The following PSMD14 variants were observed in gnomAD, a reference collection of about 807,000 sequenced individuals.
The protein encoded by PSMD14 is ubiquitin C-terminal hydrolase PSMD14.
In PSMD14, 7 loss-of-function variants were observed where a neutral mutation model predicts 41.2. That is an observed-to-expected ratio of 0.17 (90% CI 0.10 to 0.32). The LOEUF is 0.32. Among genes scored for constraint, PSMD14 ranks in the 10% least tolerant of loss-of-function variants. The pLI is 1.00. For synonymous variants in PSMD14, 114 were observed against 122.3 expected (o/e 0.93, Z 0.45); for missense variants, 139 against 375.6 (o/e 0.37, Z 5.21).
chr2:161,310,406 A>G (rs1007925281), intron 1 of PSMD14, among the ~76,000 whole-genome samples: 2 of 152,166 alleles, frequency 1.3e-5, no homozygotes, highest in Non-Finnish European at 2.9e-5. Context: ...TTAATAATTC[A>G]GTGTCCACCT....
At chr2:161,375,490 A>G (rs1173237385) in intron 7 of PSMD14, among the ~76,000 whole-genome samples, 1 of 152,046 alleles carries the variant, frequency 6.6e-6, no homozygotes, top group Admixed American at 6.6e-5. Flanking sequence ...AGGTTGCACA[A>G]AGTAGATAAA....
intron 3 of PSMD14, among the ~76,000 whole-genome samples, chr2:161,348,902 G>A (rs191388175): frequency 2.0e-5 from 3 of 152,204 alleles, no homozygotes; most frequent in African/African-American, 7.2e-5. Context: ...AAGAAATAAA[G>A]TAAATAACAG....
chr2:161,319,792 C>T (rs1574113700), intron 3 of PSMD14, among the ~76,000 whole-genome samples: 1 of 152,070 alleles, frequency 6.6e-6, no homozygotes, highest in Non-Finnish European at 1.5e-5. Context: ...ATGAAATTTT[C>T]AGTGTTTTAG....
At chr2:161,357,019 G>C (rs1158985424) in intron 3 of PSMD14, among the ~76,000 whole-genome samples, 1 of 146,386 alleles carries the variant, frequency 6.8e-6, no homozygotes, top group Non-Finnish European at 1.5e-5. Flanking sequence ...TTGTTAAAAG[G>C]CCTGAGTAGG....
At chr2:161,327,913 T>G (rs1157293118) in intron 3 of PSMD14, among the ~76,000 whole-genome samples, 1 of 146,700 alleles carries the variant, frequency 6.8e-6, no homozygotes, top group Middle Eastern at 3.3e-3. Flanking sequence ...TAAGTGTTAA[T>G]GAAAATTGGG....
chr2:161,350,969 T>TA (rs1553505493), intron 3 of PSMD14, among the ~76,000 whole-genome samples: 1 of 152,228 alleles, frequency 6.6e-6, no homozygotes, highest in African/African-American at 2.4e-5. Context: ...TCAGCCTTCC[T>TA]ATAATCCTGT....
chr2:161,371,967 C>CTTTTT (rs529718395), intron 7 of PSMD14, among the ~76,000 whole-genome samples: 1 of 145,328 alleles, frequency 6.9e-6, no homozygotes, highest in Non-Finnish European at 1.5e-5. Flanking sequence ...TTCATTCTTT[C>CTTTTT]TTTTTTTTTT....
At chr2:161,388,013 T>C (rs1683656185) in intron 8 of PSMD14, among the ~76,000 whole-genome samples, 1 of 152,076 alleles carries the variant, frequency 6.6e-6, no homozygotes, top group Non-Finnish European at 1.5e-5. Context: ...GCTATTACTT[T>C]CAAATGTTTA....
rs1683424654 is a variant in PSMD14, at chr2:161,371,030, C to T, written c.312-142C>T. The T allele has an allele frequency of 3.5e-6, 3 of 869,350 alleles. No homozygotes were observed. In the South Asian group the frequency reaches 6.1e-5, roughly 18 times the overall value. The allele number at this position is 869,350 out of a possible 1,614,324, so 53.9% of individuals were successfully genotyped here. A position where few individuals can be genotyped will look rare whatever the true frequency, so the allele number is the denominator to read the frequency against. ...TTCTGGATAATATGGTGTACAATTT[C>T]AGGGTTTCTAATGGTGCTTTTTCAC... On this transcript the variant is annotated intron_variant, in intron 6 of 11. Coordinates refer to ENST00000409682, the MANE Select transcript of PSMD14 (RefSeq NM_005805.6).
intron 7 of PSMD14, chr2:161,385,183 G>A: frequency 5.0e-6 from 1 of 201,700 alleles, no homozygotes; most frequent in Non-Finnish European, 9.9e-6. Flanking sequence ...TTTGGTGTAA[G>A]TTTAGTAATG....
chr2:161,392,923 C>G (rs1469256373), intron 9 of PSMD14, among the ~76,000 whole-genome samples: 1 of 152,122 alleles, frequency 6.6e-6, no homozygotes, highest in Non-Finnish European at 1.5e-5. Flanking sequence ...CTAATTACAT[C>G]AATTTTTCTT....
chr2:161,374,022 C>T (rs1322480880), intron 7 of PSMD14, among the ~76,000 whole-genome samples: 1 of 151,694 alleles, frequency 6.6e-6, no homozygotes, highest in Non-Finnish European at 1.5e-5. Flanking sequence ...GATTGCTTTG[C>T]CAAAGTCAGA....
chr2:161,360,299 A>G (rs1339550471), intron 3 of PSMD14, among the ~76,000 whole-genome samples: 2 of 143,244 alleles, frequency 1.4e-5, no homozygotes, highest in Non-Finnish European at 1.5e-5. Context: ...TGATCCTCCC[A>G]CCTCAGCCAC....
chr2:161,339,403 C>A (rs1682915800), intron 3 of PSMD14, among the ~76,000 whole-genome samples: 1 of 149,568 alleles, frequency 6.7e-6, no homozygotes, highest in Non-Finnish European at 1.5e-5. Flanking sequence ...TGGTGAGCAT[C>A]TTTTTATGTG....
chr2:161,353,462 G>T (rs889623846), intron 3 of PSMD14, among the ~76,000 whole-genome samples: 1 of 152,120 alleles, frequency 6.6e-6, no homozygotes, highest in Non-Finnish European at 1.5e-5. Context: ...GCTTTAGTTA[G>T]CTCATTTTAT....
chr2:161,390,956 A>G (rs766516163), intron 8 of PSMD14, 148 bp from the exon 9 acceptor site: 138 of 769,760 alleles, frequency 1.8e-4, no homozygotes, highest in Non-Finnish European at 2.4e-4. Context: ...TAAGAAGAAT[A>G]CTTTAATTTC....
intron 1 of PSMD14, among the ~76,000 whole-genome samples, chr2:161,314,474 TCA>T (rs1169516287): frequency 1.3e-5 from 2 of 152,348 alleles, no homozygotes; most frequent in Non-Finnish European, 2.9e-5. Flanking sequence ...CATTACCACC[TCA>T]GTTTAGTTCC....
intron 3 of PSMD14, among the ~76,000 whole-genome samples, chr2:161,328,928 T>C (rs1488214350): frequency 6.6e-6 from 1 of 152,150 alleles, no homozygotes; most frequent in Non-Finnish European, 1.5e-5. Context: ...CATTTTTCTT[T>C]AGTACTTTTT....
intron 3 of PSMD14, among the ~76,000 whole-genome samples, chr2:161,328,619 A>G (rs1431308733): frequency 1.3e-5 from 2 of 152,130 alleles, no homozygotes; most frequent in Non-Finnish European, 2.9e-5. Context: ...CTGAATTCTA[A>G]GTGTTATATT....
Sources: gnomAD v4.1 joint callset for allele counts (sites outside exome capture counted in the v4.1 genomes callset) on GRCh38, gnomAD v4.1.1 for gene constraint, MANE v1.5 for transcripts, NCBI Gene and HGNC (gene_info 2026-07-23, HGNC 2026-07-21) for gene names.